Variants in SRGAP3 observed in about 807,000 individuals in gnomAD.
SRGAP3 encodes SLIT-ROBO Rho GTPase activating protein 3.
In SRGAP3, 39 loss-of-function variants were observed where a neutral mutation model predicts 121.1. That is an observed-to-expected ratio of 0.32 (90% CI 0.25 to 0.42). The LOEUF is 0.42. Ranked by LOEUF, SRGAP3 falls within the 10% of genes least tolerant of loss-of-function variation. The pLI, the probability that SRGAP3 is intolerant of heterozygous loss-of-function variation, is 1.00. For synonymous variants in SRGAP3, 601 were observed against 570.0 expected (o/e 1.05, Z -0.77); for missense variants, 1,213 against 1,470.6 (o/e 0.82, Z 2.86).
chr3:9,017,748 A>G (rs1943711218), intron 14 of SRGAP3, among the ~76,000 whole-genome samples: 1 of 152,196 alleles, frequency 6.6e-6, no homozygotes, highest in Admixed American at 6.5e-5. Flanking sequence ...TAACATTTTA[A>G]ATATTTATGG....
At chr3:9,117,151 A>G (rs1224255101) in intron 2 of SRGAP3, among the ~76,000 whole-genome samples, 1 of 152,234 alleles carries the variant, frequency 6.6e-6, no homozygotes, top group African/African-American at 2.4e-5. Context: ...ATGGAGACAC[A>G]AGCCCTACTG....
At position 9,167,584 on chromosome 3, in the gene SRGAP3, G is replaced by C. The variant is rs139493384; in HGVS notation, c.68-42667C>G. On this transcript the variant is annotated intron_variant, in intron 1 of 21. Coordinates refer to ENST00000383836, the MANE Select transcript of SRGAP3 (RefSeq NM_014850.4). ...ACGCCTAGGGGGGGAGCAGGAAGTT[G>C]GGACCGCATTCCTTTCCCAAGCCCC... Among the ~76,000 whole-genome samples, 10 of 152,262 alleles carry C rather than the reference G, an allele frequency of 6.6e-5. No homozygotes were observed. In the East Asian group the frequency reaches 1.9e-3, roughly 29 times the overall value.
At chr3:9,108,961 G>C (rs1040142989) in intron 2 of SRGAP3, among the ~76,000 whole-genome samples, 12 of 152,200 alleles carry the variant, frequency 7.9e-5, no homozygotes, top group Non-Finnish European at 1.6e-4. Context: ...CAGTGATTCC[G>C]AGGCTCAGAT....
chr3:9,268,902 C>T (rs1954420654), intron 3 of SRGAP3, among the ~76,000 whole-genome samples: 1 of 152,176 alleles, frequency 6.6e-6, no homozygotes, highest in Admixed American at 6.5e-5. Flanking sequence ...GCCTCTTGCT[C>T]CCTGAGACAT....
chr3:9,220,479 C>A (rs1356479887), intron 1 of SRGAP3, among the ~76,000 whole-genome samples: 1 of 152,160 alleles, frequency 6.6e-6, no homozygotes, highest in Non-Finnish European at 1.5e-5. Context: ...GCTCTTTCCT[C>A]CCTAAAAATG....
chr3:9,121,497 G>T (rs1216078893), intron 2 of SRGAP3, among the ~76,000 whole-genome samples: 2 of 152,138 alleles, frequency 1.3e-5, no homozygotes, highest in African/African-American at 2.4e-5. Flanking sequence ...AAGCGGAGAC[G>T]GCTCTGCCAT....
In SRGAP3 at chr3:9,053,087, G is replaced by C. The variant is rs762093906; in HGVS notation, c.1263C>G (p.Ser421Arg). The C allele has an allele frequency of 3.7e-6, 6 of 1,614,146 alleles. No individual in the cohort carries two copies. The highest frequency in any genetic ancestry group is 5.1e-6 in the Non-Finnish European group (6 of 1,180,036). The change falls in exon 9 of 22, where the codon AGC becomes AGG. Residue 421 changes from serine (S) to arginine (R), a missense_variant. By Grantham distance (110) the Ser-to-Arg change is moderately radical (BLOSUM62 -1). This residue lies in a region of SRGAP3 where 793 missense variants were observed against 1,032.9 expected (regional missense o/e 0.77). Coordinates refer to ENST00000383836, the MANE Select transcript of SRGAP3 (RefSeq NM_014850.4). ...CTCTCCTCTTGGCAATGTTGATCTT[G>C]CTCATGTAGGTCTCAGAGGCAGCCG... is the stretch of plus-strand genomic sequence containing the variant. ...VKSAASETYMSKINIAKRRAN... is the reference protein window; with the variant it reads ...VKSAASETYMRKINIAKRRAN...
chr3:9,194,969 C>T (rs542311210), intron 1 of SRGAP3, among the ~76,000 whole-genome samples: 43 of 152,314 alleles, frequency 2.8e-4, no homozygotes, highest in African/African-American at 9.1e-4. Context: ...GGAGATTATA[C>T]CCAGTGCTGT....
At chr3:9,267,661 G>C (rs1954392510) in intron 3 of SRGAP3, among the ~76,000 whole-genome samples, 2 of 152,178 alleles carry the variant, frequency 1.3e-5, no homozygotes, top group East Asian at 1.9e-4. Context: ...GGAACTGCCA[G>C]TCACGTAGTC....
At chr3:9,023,841 A>C (rs1016930092) in intron 14 of SRGAP3, among the ~76,000 whole-genome samples, 2 of 152,034 alleles carry the variant, frequency 1.3e-5, no homozygotes, top group Non-Finnish European at 2.9e-5. Flanking sequence ...GCTCCCCTAG[A>C]CCCCAGAAGG....
intron 1 of SRGAP3, among the ~76,000 whole-genome samples, chr3:9,174,020 C>G (rs1951083276): frequency 6.6e-6 from 1 of 150,518 alleles, no homozygotes. Flanking sequence ...CAGATGCGGT[C>G]TAGGCACACA....
intron 1 of SRGAP3, among the ~76,000 whole-genome samples, chr3:9,345,324 C>A (rs1302576101): frequency 1.3e-5 from 2 of 151,430 alleles, no homozygotes; most frequent in African/African-American, 4.9e-5. Context: ...GACACCTGTC[C>A]CTGCAAAAAT....
intron 1 of SRGAP3, among the ~76,000 whole-genome samples, chr3:9,161,357 A>G (rs925856334): frequency 8.5e-5 from 13 of 152,198 alleles, no homozygotes; most frequent in African/African-American, 3.1e-4. Context: ...TATCCCCAAC[A>G]GTGGTTCATA....
At chr3:9,131,360 A>G (rs1209143068) in intron 1 of SRGAP3, among the ~76,000 whole-genome samples, 1 of 149,880 alleles carries the variant, frequency 6.7e-6, no homozygotes, top group African/African-American at 2.5e-5. Flanking sequence ...GCTGAAGATG[A>G]CCTCACTGCA....
intron 3 of SRGAP3, among the ~76,000 whole-genome samples, chr3:9,304,053 A>G (rs1187946244): frequency 6.6e-6 from 1 of 152,182 alleles, no homozygotes; most frequent in Admixed American, 6.5e-5. Context: ...TTCACAAACA[A>G]TTCTGTCCAG....
At chr3:9,032,586 G>C in intron 12 of SRGAP3, 64 bp downstream of exon 12, 1 of 1,439,568 alleles carries the variant, frequency 6.9e-7, no homozygotes, top group Non-Finnish European at 9.6e-7. Context: ...GCAGGGAGGC[G>C]GGCGGACAGA....
Position 8,981,175 on chromosome 3 carries a change from G to C in SRGAP3, c.*4344C>G. 4.3e-6 allele frequency: 1 copy of C among 233,166 alleles called. No homozygotes were observed. Among genetic ancestry groups the C allele is most frequent in the Non-Finnish European group, 8.5e-6 (1 of 117,984 alleles). 14.4% of individuals were successfully genotyped at this position (233,166 alleles called of 1,614,324 possible). A position where few individuals can be genotyped will look rare whatever the true frequency, so the allele number is the denominator to read the frequency against. On this transcript the variant is annotated 3_prime_UTR_variant, in exon 22 of 22. Coordinates refer to ENST00000383836, the MANE Select transcript of SRGAP3 (RefSeq NM_014850.4). ...TCCCTTCTCTCGGCTCCCCTGGGCAGCTTTGGATATGTGGGGAATGTTCTA... is the reference window on the plus strand; with the variant it reads ...TCCCTTCTCTCGGCTCCCCTGGGCACCTTTGGATATGTGGGGAATGTTCTA...
At chr3:9,275,567 T>C (rs201938854) in intron 3 of SRGAP3, among the ~76,000 whole-genome samples, 1 of 152,154 alleles carries the variant, frequency 6.6e-6, no homozygotes, top group Non-Finnish European at 1.5e-5. Flanking sequence ...GGGAGATAAT[T>C]GAATCATGGG....
intron 1 of SRGAP3, among the ~76,000 whole-genome samples, chr3:9,344,047 C>T (rs576808119): frequency 8.5e-5 from 13 of 152,188 alleles, no homozygotes; most frequent in Admixed American, 5.9e-4. Context: ...AGCGTGGGCA[C>T]GGTGTCTCAC....
Sources: gnomAD v4.1 joint callset for allele counts (sites outside exome capture counted in the v4.1 genomes callset) on GRCh38, gnomAD v4.1.1 for gene constraint, gnomAD v4.1.1 regional missense constraint, MANE v1.5 for transcripts, NCBI Gene and HGNC (gene_info 2026-07-23, HGNC 2026-07-21) for gene names.